GALNT13: variants seen among roughly 807,000 people sequenced by gnomAD.
GALNT13 encodes the protein polypeptide N-acetylgalactosaminyltransferase 13, also known as UDP-GalNAc:polypeptide N-acetylgalactosaminyltransferase 13.
GALNT13 carries 28 observed loss-of-function variants against 64.2 expected under a neutral mutation model. That is an observed-to-expected ratio of 0.44 (90% CI 0.32 to 0.60). The LOEUF is 0.60. GALNT13 is among the 20% of genes least tolerant of loss of function. The pLI, the probability that GALNT13 is intolerant of heterozygous loss-of-function variation, is 0.05. For missense variants in GALNT13, 577 were observed against 669.8 expected (o/e 0.86, Z 1.53); for synonymous variants, 214 against 224.6 (o/e 0.95, Z 0.42).
chr2:153,587,980 C>T, the GALNT13 span, among the ~76,000 whole-genome samples: 1 of 152,162 alleles, frequency 6.6e-6, no homozygotes, highest in Non-Finnish European at 1.5e-5. Flanking sequence ...GGCTACAGGC[C>T]CCATGCAAGT....
chr2:153,419,243 A>G, the GALNT13 span, among the ~76,000 whole-genome samples: 4 of 152,198 alleles, frequency 2.6e-5, no homozygotes, highest in African/African-American at 7.2e-5. Flanking sequence ...TTATAAAACC[A>G]TTAGATCTTG....
chr2:153,994,150 G>T (rs924406473), intron 3 of GALNT13, among the ~76,000 whole-genome samples: 1 of 152,118 alleles, frequency 6.6e-6, no homozygotes, highest in Non-Finnish European at 1.5e-5. Context: ...TCACCTATGA[G>T]TGAGAACATG....
chr2:154,428,152 G>T lies in GALNT13; in HGVS notation c.1396-10440G>T, dbSNP rs547788893. ...CAAATACCTAAAGAGATCTCCCAGA[G>T]GATGCAAAGGTCCACAATGACTAAA... On this transcript the variant is annotated intron_variant, in intron 11 of 12. Coordinates refer to ENST00000392825, the MANE Select transcript of GALNT13 (RefSeq NM_052917.4). 2.0e-5 allele frequency among the ~76,000 whole-genome samples: 3 copies of T among 152,212 alleles called. No homozygotes were observed. In the East Asian group the frequency reaches 5.8e-4, roughly 29 times the overall value.
the GALNT13 span, among the ~76,000 whole-genome samples, chr2:153,757,517 T>C: frequency 3.3e-5 from 5 of 152,174 alleles, no homozygotes; most frequent in Non-Finnish European, 7.4e-5. Context: ...ATCCTTTAGA[T>C]ATACTAGTGA....
At chr2:153,788,497 A>ACACTTAAG in the GALNT13 span, among the ~76,000 whole-genome samples, 1 of 152,138 alleles carries the variant, frequency 6.6e-6, no homozygotes, top group African/African-American at 2.4e-5. Context: ...CTACAAAAAC[A>ACACTTAAG]CACTTAAGTA....
At chr2:154,316,615 A>T (rs1339701546) in intron 9 of GALNT13, among the ~76,000 whole-genome samples, 1 of 152,170 alleles carries the variant, frequency 6.6e-6, no homozygotes, top group South Asian at 2.1e-4. Context: ...GATTATGGGA[A>T]GTCCAAAAGC....
At chr2:153,370,635 C>T in the GALNT13 span, 1 of 152,074 alleles carries the variant, frequency 6.6e-6, no homozygotes, top group African/African-American at 2.4e-5. Context: ...CAAAGAAGCC[C>T]CTGCTCTTCC....
chr2:153,601,641 G>A, the GALNT13 span, among the ~76,000 whole-genome samples: 1 of 151,482 alleles, frequency 6.6e-6, no homozygotes, highest in Non-Finnish European at 1.5e-5. Context: ...TGAAATGAAA[G>A]CATATTGTAC....
chr2:153,764,388 T>C, the GALNT13 span, among the ~76,000 whole-genome samples: 1 of 152,160 alleles, frequency 6.6e-6, no homozygotes, highest in East Asian at 1.9e-4. Context: ...AATACAAAAT[T>C]AGCCAGGCAT....
intron 2 of GALNT13, among the ~76,000 whole-genome samples, chr2:153,915,593 T>C (rs1393529563): frequency 6.6e-6 from 1 of 152,190 alleles, no homozygotes; most frequent in Non-Finnish European, 1.5e-5. Context: ...TTCATCTCTT[T>C]GCCTGGTGAC....
the GALNT13 span, among the ~76,000 whole-genome samples, chr2:153,480,626 G>A: frequency 6.6e-6 from 1 of 152,108 alleles, no homozygotes; most frequent in African/African-American, 2.4e-5. Context: ...CTTAGTTAAT[G>A]TGGGTAGTCC....
At chr2:154,300,687 C>A (rs1014343404) in intron 8 of GALNT13, among the ~76,000 whole-genome samples, 13 of 152,028 alleles carry the variant, frequency 8.6e-5, no homozygotes, top group African/African-American at 3.1e-4. Context: ...GGCTAGTTTG[C>A]ATAATACTTA....
chr2:154,084,564 C>T (rs1314599436), intron 3 of GALNT13, among the ~76,000 whole-genome samples: 1 of 151,878 alleles, frequency 6.6e-6, no homozygotes, highest in African/African-American at 2.4e-5. Context: ...AATACTAATG[C>T]TTTCACTTGC....
the GALNT13 span, among the ~76,000 whole-genome samples, chr2:153,382,322 C>T: frequency 2.0e-5 from 3 of 151,938 alleles, no homozygotes; most frequent in Non-Finnish European, 4.4e-5. Context: ...CCAGTGGCCC[C>T]CTCCTTCCCT....
chr2:154,430,905 A>G (rs894668646), intron 11 of GALNT13, among the ~76,000 whole-genome samples: 3 of 152,224 alleles, frequency 2.0e-5, no homozygotes, highest in Non-Finnish European at 4.4e-5. Context: ...TTTTAACGAT[A>G]AAATATTTTT....
chr2:154,201,830 T>C (rs1687188416), intron 4 of GALNT13, among the ~76,000 whole-genome samples: 1 of 152,140 alleles, frequency 6.6e-6, no homozygotes, highest in African/African-American at 2.4e-5. Context: ...GATATGTGTC[T>C]GGCAGTGCTT....
At chr2:153,741,499 G>A in the GALNT13 span, among the ~76,000 whole-genome samples, 1 of 151,296 alleles carries the variant, frequency 6.6e-6, no homozygotes, top group Admixed American at 6.6e-5. Context: ...TTCATTTCTT[G>A]GTATTTCTTG....
intron 3 of GALNT13, among the ~76,000 whole-genome samples, chr2:154,041,312 T>A (rs1372545007): frequency 7.1e-6 from 1 of 140,872 alleles, no homozygotes; most frequent in Admixed American, 7.1e-5. Context: ...AATAACTGTG[T>A]TATTACTTCC....
chr2:154,010,995 T>TG (rs1696596565), intron 3 of GALNT13, among the ~76,000 whole-genome samples: 1 of 152,070 alleles, frequency 6.6e-6, no homozygotes. Flanking sequence ...CTCTGTTTTT[T>TG]TCTTTATTCA....
Sources: gnomAD v4.1 joint callset for allele counts (sites outside exome capture counted in the v4.1 genomes callset) on GRCh38, gnomAD v4.1.1 for gene constraint, MANE v1.5 for transcripts, NCBI Gene and HGNC (gene_info 2026-07-23, HGNC 2026-07-21) for gene names.